GPCPD1: variants seen among roughly 807,000 people sequenced by gnomAD.
The protein encoded by GPCPD1 is glycerophosphocholine phosphodiesterase 1, also known as glycerophosphocholine phosphodiesterase GPCPD1.
A neutral mutation model predicts 89.2 loss-of-function variants in GPCPD1; 29 were observed. That is an observed-to-expected ratio of 0.33 (90% CI 0.24 to 0.44). The LOEUF (loss-of-function observed/expected upper bound fraction) is 0.44. Among genes scored for constraint, GPCPD1 ranks in the 20% least tolerant of loss-of-function variants. GPCPD1 has a pLI of 1.00. For missense variants in GPCPD1, 594 were observed against 808.9 expected (o/e 0.73, Z 3.22); for synonymous variants, 258 against 266.3 (o/e 0.97, Z 0.30).
chr20:5,604,774 T>TACACACACACACACACACACACACACAC (rs11466989), intron 1 of GPCPD1, among the ~76,000 whole-genome samples: 43 of 139,178 alleles, frequency 3.1e-4, no homozygotes, highest in South Asian at 7.4e-4. Flanking sequence ...GCCTCATGTC[T>TACACACACACACACACACACACACACAC]ACACACACAC....
intron 4 of GPCPD1, among the ~76,000 whole-genome samples, chr20:5,591,806 T>C (rs1173483941): frequency 6.6e-6 from 1 of 152,242 alleles, no homozygotes; most frequent in Non-Finnish European, 1.5e-5. Context: ...TTTATGTAGC[T>C]ATTTACTCGA....
Position 5,570,238 on chromosome 20 carries a change from C to T in GPCPD1, c.1058G>A (p.Gly353Asp). The change falls in exon 12 of 20, where the codon GGT becomes GAT. Residue 353 changes from glycine to aspartate, a missense_variant and splice_region_variant. Gly to Asp is a moderately conservative substitution (Grantham distance 94). Coordinates refer to ENST00000379019, the MANE Select transcript of GPCPD1 (RefSeq NM_019593.5). ...TACGTCAAATTCTACAAAGGCTGCA[C>T]CCTGACAGAAGGAAGCAAGTATTTG... Reference protein sequence around the residue: ...IASLRNAASHGAAFVEFDVHL... With the variant: ...IASLRNAASHDAAFVEFDVHL... 2.6e-6 allele frequency: 4 copies of T among 1,528,310 alleles called. No homozygotes were observed. Among genetic ancestry groups the T allele is most frequent in the Non-Finnish European group, 3.6e-6 (4 of 1,103,988 alleles). The allele number at this position is 1,528,310 out of a possible 1,614,324, so 94.7% of individuals were successfully genotyped here.
intron 3 of GPCPD1, among the ~76,000 whole-genome samples, chr20:5,595,655 A>AACAAAT (rs1979665219): frequency 6.6e-6 from 1 of 151,926 alleles, no homozygotes; most frequent in Non-Finnish European, 1.5e-5. Context: ...CAAAAACAAA[A>AACAAAT]ACAAAAACAA....
At chr20:5,553,598 G>A (rs1275293337) in intron 19 of GPCPD1, among the ~76,000 whole-genome samples, 1 of 152,202 alleles carries the variant, frequency 6.6e-6, no homozygotes, top group Non-Finnish European at 1.5e-5. Flanking sequence ...AGTCCTTGAA[G>A]GAAATTGAAA....
At chr20:5,553,901 C>CCCGGCCGAACAACAGATT (rs1555803062) in intron 19 of GPCPD1, among the ~76,000 whole-genome samples, 4 of 145,142 alleles carry the variant, frequency 2.8e-5, no homozygotes, top group East Asian at 2.2e-4. Context: ...GATGGAGAAG[C>CCCGGCCGAACAACAGATT]TGCAGTTAAG....
chr20:5,590,791 A>G lies in GPCPD1; in HGVS notation c.231+2536T>C, dbSNP rs866795678. 2.0e-5 allele frequency among the ~76,000 whole-genome samples: 3 copies of G among 152,320 alleles called. No individual in the cohort carries two copies. In the Middle Eastern group the frequency reaches 0.01, roughly 518 times the overall value. On this transcript the variant is annotated intron_variant, in intron 4 of 19. Coordinates refer to ENST00000379019, the MANE Select transcript of GPCPD1 (RefSeq NM_019593.5). ...ATTGTCTTGTTAAAGGAAGGACTTA[A>G]AACTCAAGGGAGATCGAGGTCAAAA...
chr20:5,585,029 TA>T (rs1191396842), intron 5 of GPCPD1: 2 of 152,194 alleles, frequency 1.3e-5, no homozygotes, highest in African/African-American at 4.8e-5. Flanking sequence ...GATTCTCTGG[TA>T]AGTTTCACAC....
At chr20:5,580,582 C>T (rs1170637730) in intron 6 of GPCPD1, among the ~76,000 whole-genome samples, 11 of 151,728 alleles carry the variant, frequency 7.2e-5, no homozygotes, top group African/African-American at 2.4e-4. Flanking sequence ...AAAAAATAGC[C>T]GGGCGTGGTG....
chr20:5,605,733 C>T (rs887653471), intron 1 of GPCPD1, among the ~76,000 whole-genome samples: 1 of 151,906 alleles, frequency 6.6e-6, no homozygotes, highest in Non-Finnish European at 1.5e-5. Context: ...AGCCCCCCCA[C>T]CTGCCTCCCC....
At chr20:5,549,632 G>A (rs923237006) in intron 19 of GPCPD1, among the ~76,000 whole-genome samples, 1 of 151,356 alleles carries the variant, frequency 6.6e-6, no homozygotes, top group Admixed American at 6.6e-5. Context: ...TAAGATGTAA[G>A]AGAAGTCTCA....
At chr20:5,556,226 T>A (rs80257789) in intron 19 of GPCPD1, among the ~76,000 whole-genome samples, 1 of 152,246 alleles carries the variant, frequency 6.6e-6, no homozygotes, top group African/African-American at 2.4e-5. Flanking sequence ...ACTTTTTTTT[T>A]AGACAGAGTC....
intron 19 of GPCPD1, among the ~76,000 whole-genome samples, chr20:5,554,602 C>T (rs917007577): frequency 2.0e-5 from 3 of 152,182 alleles, no homozygotes; most frequent in African/African-American, 4.8e-5. Flanking sequence ...TTGAGACGTA[C>T]GGCTCAGGAA....
At chr20:5,587,474 T>G (rs1206175484) in intron 4 of GPCPD1, among the ~76,000 whole-genome samples, 4 of 151,978 alleles carry the variant, frequency 2.6e-5, no homozygotes, top group African/African-American at 9.7e-5. Context: ...TTCAAGTGAT[T>G]CCCCTGCCTC....
At chr20:5,602,562 G>C (rs547446251) in intron 2 of GPCPD1, among the ~76,000 whole-genome samples, 1 of 152,356 alleles carries the variant, frequency 6.6e-6, no homozygotes, top group East Asian at 1.9e-4. Flanking sequence ...TGTGATGAAT[G>C]CTAGAATAAA....
At chr20:5,549,191 G>A (rs1985222992) in intron 19 of GPCPD1, 2 of 671,014 alleles carry the variant, frequency 3.0e-6, no homozygotes, top group Admixed American at 1.9e-5. Context: ...ACAAACAGCA[G>A]AGATGAAGGG....
At chr20:5,588,442 T>G (rs1406453249) in intron 4 of GPCPD1, among the ~76,000 whole-genome samples, 3 of 151,798 alleles carry the variant, frequency 2.0e-5, no homozygotes, top group Non-Finnish European at 4.4e-5. Context: ...GAGGCAGAGG[T>G]TGCAGTGAGC....
At chr20:5,562,192 A>G (rs1986124156) in intron 15 of GPCPD1, among the ~76,000 whole-genome samples, 1 of 152,220 alleles carries the variant, frequency 6.6e-6, no homozygotes, top group African/African-American at 2.4e-5. Context: ...GTAACCTCCA[A>G]AGAACGGACT....
At chr20:5,592,407 A>C (rs1478313375) in intron 4 of GPCPD1, among the ~76,000 whole-genome samples, 1 of 152,244 alleles carries the variant, frequency 6.6e-6, no homozygotes, top group East Asian at 1.9e-4. Flanking sequence ...TGTATTCACA[A>C]AATATTCTTG....
At chr20:5,553,461 C>T (rs1985551266) in intron 19 of GPCPD1, among the ~76,000 whole-genome samples, 2 of 152,086 alleles carry the variant, frequency 1.3e-5, no homozygotes, top group South Asian at 4.1e-4. Context: ...AAAGAAGAGT[C>T]TTAAATCTCT....
Sources: allele counts gnomAD v4.1 joint callset (sites outside exome capture counted in the v4.1 genomes callset), GRCh38; gene constraint gnomAD v4.1.1; transcripts MANE v1.5; gene names NCBI Gene and HGNC (gene_info 2026-07-23, HGNC 2026-07-21).